Variants in SPAG6 observed in about 807,000 individuals in gnomAD.
SPAG6 encodes the protein sperm-associated antigen 6.
SPAG6 carries 49 observed loss-of-function variants against 58.5 expected under a neutral mutation model. The observed-to-expected ratio is 0.84, with a 90% CI of 0.67 to 1.06. The LOEUF (loss-of-function observed/expected upper bound fraction) is 1.06, where lower values mean the gene tolerates loss of function less well. SPAG6 is among the 50% of genes least tolerant of loss of function. The probability of loss-of-function intolerance (pLI) is 0.00; values close to 1 mark genes in which losing one functional copy is unlikely to be tolerated. For synonymous variants in SPAG6, 233 were observed against 225.6 expected (o/e 1.03, Z -0.29); for missense variants, 560 against 611.3 (o/e 0.92, Z 0.89).
Position 22,349,382 on chromosome 10 carries a change from T to TC in SPAG6, c.121+3567dup, listed in dbSNP as rs747621616. Among the ~76,000 whole-genome samples, 6 of 152,226 alleles carry TC rather than the reference T, an allele frequency of 3.9e-5. No individual in the cohort carries two copies. In the East Asian group the frequency reaches 9.6e-4, roughly 24 times the overall value. On this transcript the variant is annotated intron_variant, in intron 2 of 10. Transcript: ENST00000376624. ...CTATTTAAAAACAAATTTTGATACT[T>TC]CCCGTCTGAATAATTAGTAACACAT...
intron 2 of SPAG6, among the ~76,000 whole-genome samples, chr10:22,354,300 G>A (rs968786464): frequency 1.3e-5 from 2 of 152,128 alleles, no homozygotes; most frequent in Non-Finnish European, 2.9e-5. Context: ...TAGGGGTTGG[G>A]GCAGGTAAGG....
At chr10:22,346,379 G>A (rs1208420074) in intron 2 of SPAG6, among the ~76,000 whole-genome samples, 1 of 151,970 alleles carries the variant, frequency 6.6e-6, no homozygotes, top group African/African-American at 2.4e-5. Context: ...AGGGGGAGAG[G>A]GAGGGAGAGA....
chr10:22,345,637 G>T lies in SPAG6; in HGVS notation c.25+1G>T. On this transcript the variant is annotated splice_donor_variant, in intron 1 of 10. Transcript: ENST00000376624. LOFTEE classifies it high-confidence loss of function. This position sits in a 1 kb window ranked among gnomAD's most constrained non-coding sequence, Gnocchi z 6.3. ...ATGAGTCAGAGGCAGGTGCTGCAAG[G>T]TAGGGCCGAGGCGGGCAGGTGCCCT... 6.5e-7 allele frequency: 1 copy of T among 1,546,598 alleles called. No homozygotes were observed. The highest frequency in any genetic ancestry group is 8.7e-7 in the Non-Finnish European group (1 of 1,146,740).
intron 9 of SPAG6, among the ~76,000 whole-genome samples, chr10:22,403,071 T>C (rs1172057165): frequency 2.0e-5 from 3 of 152,098 alleles, no homozygotes; most frequent in Non-Finnish European, 2.9e-5. Flanking sequence ...CAAGATAAAA[T>C]AAATACAGTA....
chr10:22,411,021 A>C lies in SPAG6; in HGVS notation c.1315-10A>C. 6.2e-6 allele frequency: 10 copies of C among 1,606,424 alleles called. No homozygotes were observed. Among genetic ancestry groups the C allele is most frequent in the Non-Finnish European group, 8.5e-6 (10 of 1,178,016 alleles). On this transcript the variant is annotated splice_polypyrimidine_tract_variant and intron_variant, in intron 9 of 10. Coordinates refer to ENST00000376624, the MANE Select transcript of SPAG6 (RefSeq NM_012443.4). The stretch of plus-strand genomic sequence containing the variant: ...GAAAAGCTGACATTTTATGTGCTTC[A>C]CTTTGCAAGGTGCTGCCGCATGATA...
intron 2 of SPAG6, chr10:22,361,547 T>G (rs1837038909): frequency 6.6e-6 from 1 of 152,006 alleles, no homozygotes. Context: ...AATACAAAAA[T>G]TGGCTGGGCA....
chr10:22,389,713 A>T (rs1489645519), intron 7 of SPAG6, among the ~76,000 whole-genome samples: 1 of 152,110 alleles, frequency 6.6e-6, no homozygotes, highest in Non-Finnish European at 1.5e-5. Flanking sequence ...ATTTCCTGCC[A>T]CTTCAGTGGG....
chr10:22,359,192 A>G (rs1226401366), intron 2 of SPAG6, among the ~76,000 whole-genome samples: 1 of 152,190 alleles, frequency 6.6e-6, no homozygotes, highest in African/African-American at 2.4e-5. Context: ...TGACAGTGAA[A>G]GGTGAATCCT....
chr10:22,355,695 AT>A (rs1836845893), intron 2 of SPAG6, among the ~76,000 whole-genome samples: 1 of 152,218 alleles, frequency 6.6e-6, no homozygotes, highest in African/African-American at 2.4e-5. Flanking sequence ...CTGAAAAAGT[AT>A]TTCAAGAAAA....
chr10:22,414,539 A>G (rs1051776841), intron 10 of SPAG6, among the ~76,000 whole-genome samples: 2 of 152,186 alleles, frequency 1.3e-5, no homozygotes, highest in African/African-American at 4.8e-5. Context: ...AAAGATAATT[A>G]CCTATTTCAT....
Position 22,411,952 on chromosome 10 carries a change from C to T in SPAG6, c.1460+776C>T, listed in dbSNP as rs569955511. On this transcript the variant is annotated intron_variant, in intron 10 of 10. Transcript: ENST00000376624. The stretch of plus-strand genomic sequence containing the variant: ...CAAGCTCCACCTCCCAGGTTCACGC[C>T]GTTCTCCTGCGTCGGCCTCCCGAGT... Among the ~76,000 whole-genome samples the T allele has an allele frequency of 6.7e-5, 10 of 149,882 alleles. No homozygotes were observed. In the South Asian group the frequency reaches 8.4e-4, roughly 13 times the overall value.
chr10:22,385,532 C>T (rs1335994070), intron 4 of SPAG6, among the ~76,000 whole-genome samples: 4 of 152,248 alleles, frequency 2.6e-5, no homozygotes, highest in South Asian at 4.2e-4. Flanking sequence ...GTGTCATTGG[C>T]GCCGAGCTGA....
chr10:22,362,373 T>G (rs1036156650), intron 2 of SPAG6, among the ~76,000 whole-genome samples: 9 of 151,768 alleles, frequency 5.9e-5, no homozygotes, highest in Non-Finnish European at 8.8e-5. Flanking sequence ...TTTAAATATA[T>G]GTTAACAAAT....
At chr10:22,378,886 C>G in intron 4 of SPAG6, among the ~76,000 whole-genome samples, 1 of 152,134 alleles carries the variant, frequency 6.6e-6, no homozygotes, top group Non-Finnish European at 1.5e-5. Context: ...CTTACTAAAG[C>G]CCTGTTAACT....
intron 9 of SPAG6, 94 bp downstream of exon 9, chr10:22,401,371 C>G: frequency 2.9e-6 from 2 of 697,646 alleles, no homozygotes; most frequent in East Asian, 2.7e-5. Flanking sequence ...TTCTGTAACA[C>G]GGGGTCATGG....
In SPAG6 at chr10:22,345,667, A is replaced by G. The variant is rs1836499929; in HGVS notation, c.25+31A>G. 2 of 1,570,254 alleles carry G rather than the reference A, an allele frequency of 1.3e-6. No homozygotes were observed. Among genetic ancestry groups the G allele is most frequent in the South Asian group, 1.2e-5 (1 of 86,090 alleles). ...GCCGAGGCGGGCAGGTGCCCTAACT[A>G]GCTGGCGCCGAGGAGACCCGGGTGC... On this transcript the variant is annotated intron_variant, in intron 1 of 10. Coordinates refer to ENST00000376624, the MANE Select transcript of SPAG6 (RefSeq NM_012443.4). This position sits in a 1 kb window ranked among gnomAD's most constrained non-coding sequence, Gnocchi z 6.3.
chr10:22,357,282 C>T (rs914966697), intron 2 of SPAG6, among the ~76,000 whole-genome samples: 1 of 152,070 alleles, frequency 6.6e-6, no homozygotes, highest in Non-Finnish European at 1.5e-5. Context: ...CTCTACTTCT[C>T]CTATAGTGGC....
In SPAG6 at chr10:22,389,140, C is replaced by T. The variant is rs1834129300; in HGVS notation, c.853-20C>T. On this transcript the variant is annotated intron_variant, in intron 6 of 10. Coordinates refer to ENST00000376624, the MANE Select transcript of SPAG6 (RefSeq NM_012443.4). ...CCATCATAGGGTCCTGGTGATCTAA[C>T]TCTTGTTCCCATCGCTTAGCTTTCA... is the stretch of plus-strand genomic sequence containing the variant. The T allele has an allele frequency of 6.2e-7, 1 of 1,611,566 alleles. No individual in the cohort carries two copies. The highest frequency in any genetic ancestry group is 2.2e-5 in the East Asian group (1 of 44,828).
chr10:22,399,000 A>G (rs531070453), intron 8 of SPAG6, among the ~76,000 whole-genome samples: 3 of 152,088 alleles, frequency 2.0e-5, no homozygotes, highest in East Asian at 1.9e-4. Context: ...TGTATTTTCA[A>G]TAGACACAGG....
Sources: allele counts gnomAD v4.1 joint callset (sites outside exome capture counted in the v4.1 genomes callset), GRCh38; gene constraint gnomAD v4.1.1; non-coding constraint Gnocchi (gnomAD v3.1); transcripts MANE v1.5; gene names NCBI Gene and HGNC (gene_info 2026-07-23, HGNC 2026-07-21).